Variants in CUX2 observed in about 807,000 individuals in gnomAD.
The protein encoded by CUX2 is homeobox protein cut-like 2.
In CUX2, 40 loss-of-function variants were observed where a neutral mutation model predicts 144.8. The ratio of observed to expected loss-of-function variants is 0.28; its 90% CI spans 0.21 to 0.36. CUX2 has a LOEUF of 0.36. Ranked by LOEUF, CUX2 falls within the 10% of genes least tolerant of loss-of-function variation. The pLI is 1.00. For missense variants in CUX2, 1,615 were observed against 1,994.0 expected, an observed-to-expected ratio of 0.81 and a Z score of 3.62; for synonymous variants, 827 against 875.6, an observed-to-expected ratio of 0.94 and a Z score of 0.98.
chr12:111,157,386 T>C (rs1592948738), intron 1 of CUX2, among the ~76,000 whole-genome samples: 1 of 149,336 alleles, frequency 6.7e-6, no homozygotes, highest in Admixed American at 6.7e-5. Flanking sequence ...CAGGATAGAG[T>C]TGGCATCTTA....
chr12:111,042,461 C>A (rs1316058344), intron 1 of CUX2, among the ~76,000 whole-genome samples: 1 of 152,160 alleles, frequency 6.6e-6, no homozygotes, highest in Non-Finnish European at 1.5e-5. Context: ...CCTCCACCCC[C>A]AAAGACTACC....
intron 1 of CUX2, among the ~76,000 whole-genome samples, chr12:111,092,199 G>A (rs991967724): frequency 2.0e-5 from 3 of 152,226 alleles, no homozygotes; most frequent in Non-Finnish European, 4.4e-5. Context: ...GAGTTTTGTG[G>A]TGAAGAAGAG....
chr12:111,345,350 G>A (rs1394544949), intron 21 of CUX2, among the ~76,000 whole-genome samples: 2 of 150,012 alleles, frequency 1.3e-5, no homozygotes, highest in Non-Finnish European at 1.5e-5. Context: ...GGCTGAGTCA[G>A]GAGAATCACT....
chr12:111,155,680 C>G (rs1877326788), intron 1 of CUX2, among the ~76,000 whole-genome samples: 1 of 152,188 alleles, frequency 6.6e-6, no homozygotes, highest in Non-Finnish European at 1.5e-5. Context: ...GCCCGATTCA[C>G]TAAACCGCAC....
At chr12:111,148,823 C>A (rs2136133344) in intron 1 of CUX2, among the ~76,000 whole-genome samples, 1 of 152,108 alleles carries the variant, frequency 6.6e-6, no homozygotes. Context: ...ACAGTGAGAC[C>A]CCTTCTCTAA....
chr12:111,282,220 G>A (rs1233169582), intron 4 of CUX2, among the ~76,000 whole-genome samples: 1 of 151,976 alleles, frequency 6.6e-6, no homozygotes, highest in East Asian at 1.9e-4. Flanking sequence ...TACTTGGGAG[G>A]CTGAGGCAGG....
intron 3 of CUX2, among the ~76,000 whole-genome samples, chr12:111,260,466 G>GA (rs79184976): frequency 0.054 from 7,749 of 144,508 alleles, 221 homozygotes; most frequent in South Asian, 0.14. Context: ...TCTGTCTCAG[G>GA]AAAAAAAAAA....
At chr12:111,336,018 C>T (rs1297186948) in intron 19 of CUX2, among the ~76,000 whole-genome samples, 15 of 152,192 alleles carry the variant, frequency 9.9e-5, no homozygotes, top group African/African-American at 3.1e-4. Context: ...CTGGCTCTGA[C>T]CTGGGTCTGG....
At chr12:111,336,755 C>G (rs1173010963) in intron 19 of CUX2, among the ~76,000 whole-genome samples, 1 of 151,940 alleles carries the variant, frequency 6.6e-6, no homozygotes. Flanking sequence ...GCCCACACTT[C>G]AGTTTTTTAA....
intron 4 of CUX2, among the ~76,000 whole-genome samples, chr12:111,282,348 C>A (rs894127710): frequency 6.6e-6 from 1 of 150,884 alleles, no homozygotes; most frequent in South Asian, 2.1e-4. Flanking sequence ...TACCACAGGC[C>A]GTGCGCCTTG....
chr12:111,336,943 G>A (rs1309545690), intron 19 of CUX2, among the ~76,000 whole-genome samples: 1 of 151,958 alleles, frequency 6.6e-6, no homozygotes, highest in Non-Finnish European at 1.5e-5. Context: ...GGGAGGCCGA[G>A]GCGGGAGGAC....
intron 1 of CUX2, among the ~76,000 whole-genome samples, chr12:111,104,461 GT>G (rs974485179): frequency 1.7e-4 from 26 of 152,316 alleles, no homozygotes; most frequent in African/African-American, 6.3e-4. Flanking sequence ...GCTTTGGATA[GT>G]CACACTGGCC....
intron 1 of CUX2, among the ~76,000 whole-genome samples, chr12:111,157,663 A>G (rs113568391): frequency 1.1e-4 from 16 of 152,330 alleles, no homozygotes; most frequent in African/African-American, 3.4e-4. Flanking sequence ...ATTGCAGCAT[A>G]GGAGTTGGTG....
chr12:111,286,839 A>G (rs558340825), intron 4 of CUX2, among the ~76,000 whole-genome samples: 4 of 152,302 alleles, frequency 2.6e-5, no homozygotes, highest in Admixed American at 6.5e-5. Flanking sequence ...TTGGCACTCC[A>G]GCCTGGGCAA....
intron 1 of CUX2, among the ~76,000 whole-genome samples, chr12:111,081,574 A>G (rs924898728): frequency 5.3e-5 from 8 of 152,104 alleles, no homozygotes; most frequent in Non-Finnish European, 1.0e-4. Flanking sequence ...TCATGTAAGG[A>G]GGGGCTTCTC....
chr12:111,144,914 C>T (rs914702823), intron 1 of CUX2, among the ~76,000 whole-genome samples: 2 of 152,130 alleles, frequency 1.3e-5, no homozygotes, highest in Non-Finnish European at 2.9e-5. Context: ...GGGGTGGGCT[C>T]TCTGGTCATA....
intron 2 of CUX2, among the ~76,000 whole-genome samples, chr12:111,215,478 A>G (rs573117075): frequency 1.1e-4 from 16 of 152,346 alleles, no homozygotes; most frequent in African/African-American, 3.8e-4. Context: ...GAATTTGTCC[A>G]TGGAGCAAGT....
intron 1 of CUX2, among the ~76,000 whole-genome samples, chr12:111,159,989 C>A (rs1364407355): frequency 3.3e-5 from 5 of 152,194 alleles, no homozygotes; most frequent in South Asian, 2.1e-4. Context: ...TGTACCACTG[C>A]ACTCCAGCCT....
intron 1 of CUX2, among the ~76,000 whole-genome samples, chr12:111,139,653 G>A (rs1876163783): frequency 6.6e-6 from 1 of 152,186 alleles, no homozygotes; most frequent in Admixed American, 6.5e-5. Flanking sequence ...ATGAACACCT[G>A]ATTGACAAAA....
Sources: allele counts gnomAD v4.1 joint callset (sites outside exome capture counted in the v4.1 genomes callset), GRCh38; gene constraint gnomAD v4.1.1; transcripts MANE v1.5; gene names NCBI Gene and HGNC (gene_info 2026-07-23, HGNC 2026-07-21).